The following COL4A2 variants were observed in gnomAD, a reference collection of about 807,000 sequenced individuals.
COL4A2 encodes collagen type IV alpha 2 chain, also known as collagen alpha-2(IV) chain.
In COL4A2, 99 loss-of-function variants were observed where a neutral mutation model predicts 200.2. That is an observed-to-expected ratio of 0.49 (90% CI 0.42 to 0.58). COL4A2 has a LOEUF of 0.58. COL4A2 is among the 20% of genes least tolerant of loss of function. COL4A2 has a pLI of 0.00. For missense variants in COL4A2, 1,950 were observed against 2,314.1 expected, an observed-to-expected ratio of 0.84 and a Z score of 3.23; for synonymous variants, 897 against 900.6, an observed-to-expected ratio of 1.00 and a Z score of 0.07.
chr13:110,455,721 C>T (rs888899505), intron 20 of COL4A2, among the ~76,000 whole-genome samples: 4 of 152,164 alleles, frequency 2.6e-5, no homozygotes, highest in Admixed American at 6.5e-5. Context: ...CTACATGGGA[C>T]GGTATCCATG....
At chr13:110,435,893 G>A (rs1566531429) in intron 12 of COL4A2, among the ~76,000 whole-genome samples, 2 of 151,650 alleles carry the variant, frequency 1.3e-5, no homozygotes, top group African/African-American at 2.4e-5. Flanking sequence ...CGTTTATCTC[G>A]GTGCCCATCT....
chr13:110,448,232 A>G (rs1213318556), intron 18 of COL4A2, among the ~76,000 whole-genome samples: 1 of 152,238 alleles, frequency 6.6e-6, no homozygotes, highest in Non-Finnish European at 1.5e-5. Flanking sequence ...TTTTAAGAAC[A>G]TAATTTTTAA....
intron 12 of COL4A2, 34 bp from the exon 13 acceptor site, chr13:110,436,235 T>C (rs1880864444): frequency 1.2e-6 from 2 of 1,612,656 alleles, no homozygotes; most frequent in South Asian, 2.2e-5. Context: ...TCCTTTCGAT[T>C]TAAAGACAAC....
intron 12 of COL4A2, 62 bp downstream of exon 12, chr13:110,434,504 C>A (rs367564082): frequency 2.0e-6 from 3 of 1,513,086 alleles, no homozygotes; most frequent in Non-Finnish European, 9.1e-7. Context: ...GGAAATAAAT[C>A]ATTTTAATTA....
chr13:110,493,103 ACCCC>A, intron 38 of COL4A2, 104 bp from the exon 39 acceptor site: 1 of 1,193,014 alleles, frequency 8.4e-7, no homozygotes, highest in Non-Finnish European at 1.2e-6. Context: ...GATGAGTGAC[ACCCC>A]CATGGGTGAA....
chr13:110,463,229 TG>T (rs1788389660), intron 24 of COL4A2: 1 of 152,644 alleles, frequency 6.6e-6, no homozygotes, highest in African/African-American at 2.4e-5. Context: ...TGGCATTCCT[TG>T]GCTTATAGAC....
intron 4 of COL4A2, among the ~76,000 whole-genome samples, chr13:110,396,458 G>C (rs1399228044): frequency 6.6e-6 from 1 of 152,162 alleles, no homozygotes; most frequent in Non-Finnish European, 1.5e-5. Context: ...GTAGCCCTCT[G>C]GGTTGAATCA....
chr13:110,338,346 GAA>G (rs1463811866), intron 3 of COL4A2, among the ~76,000 whole-genome samples: 1 of 149,826 alleles, frequency 6.7e-6, no homozygotes, highest in East Asian at 2.0e-4. Context: ...GAGAGAGAGA[GAA>G]AGAGAGAGAG....
chr13:110,398,991 G>A, intron 4 of COL4A2, among the ~76,000 whole-genome samples: 1 of 152,166 alleles, frequency 6.6e-6, no homozygotes, highest in East Asian at 1.9e-4. Context: ...CCGGTTTTTA[G>A]TTGTAAGAAG....
intron 17 of COL4A2, among the ~76,000 whole-genome samples, chr13:110,446,253 G>A (rs1881318310): frequency 6.6e-6 from 1 of 152,212 alleles, no homozygotes; most frequent in African/African-American, 2.4e-5. Flanking sequence ...AGACCATTAG[G>A]TGGAAGACCA....
chr13:110,396,168 TC>T (rs1480046926), intron 4 of COL4A2, among the ~76,000 whole-genome samples: 1 of 152,230 alleles, frequency 6.6e-6, no homozygotes, highest in Non-Finnish European at 1.5e-5. Flanking sequence ...CACCCCTAGT[TC>T]CTCCGATTAT....
At chr13:110,452,060 G>T (rs1289264984) in intron 20 of COL4A2, among the ~76,000 whole-genome samples, 1 of 152,216 alleles carries the variant, frequency 6.6e-6, no homozygotes, top group African/African-American at 2.4e-5. Context: ...CTTCGGGGAG[G>T]AAAAACACCA....
chr13:110,438,810 C>CCCCCA (rs372770020), intron 15 of COL4A2, 142 bp downstream of exon 15: 60 of 653,954 alleles, frequency 9.2e-5, no homozygotes, highest in African/African-American at 9.0e-4. Flanking sequence ...CCACCCCCCC[C>CCCCCA]CACACACACA....
chr13:110,482,761 A>T (rs114140846), intron 32 of COL4A2, 102 bp downstream of exon 32: 2 of 1,275,684 alleles, frequency 1.6e-6, no homozygotes, highest in African/African-American at 3.0e-5. Flanking sequence ...TTGAAAACCC[A>T]TGCATCCAGG....
chr13:110,469,196 G>T, intron 27 of COL4A2, 21 bp from the exon 28 acceptor site: 1 of 1,567,196 alleles, frequency 6.4e-7, no homozygotes, highest in Non-Finnish European at 8.7e-7. Flanking sequence ...GATGTGGTTT[G>T]TGGTTTATTT....
intron 27 of COL4A2, chr13:110,468,367 C>A (rs572673060): frequency 1.5e-5 from 7 of 469,980 alleles, no homozygotes; most frequent in South Asian, 1.1e-4. Flanking sequence ...ACAGCAACCC[C>A]CAAAATGGTG....
intron 47 of COL4A2, among the ~76,000 whole-genome samples, chr13:110,510,256 G>A (rs1161639874): frequency 1.3e-5 from 2 of 152,218 alleles, no homozygotes; most frequent in South Asian, 2.1e-4. Context: ...CCCTACAAGC[G>A]AGCGCCACGT....
chr13:110,349,606 G>C (rs965725305), intron 3 of COL4A2, among the ~76,000 whole-genome samples: 21 of 152,196 alleles, frequency 1.4e-4, no homozygotes, highest in African/African-American at 3.9e-4. Flanking sequence ...CCTGATAGGA[G>C]CCTGGTTCAA....
chr13:110,505,192 T>TA (rs1227086181), intron 45 of COL4A2, among the ~76,000 whole-genome samples: 1 of 151,200 alleles, frequency 6.6e-6, no homozygotes. Flanking sequence ...CTACTAAAAA[T>TA]ACAAAAAATT....
Sources: gnomAD v4.1 joint callset for allele counts (sites outside exome capture counted in the v4.1 genomes callset) on GRCh38, gnomAD v4.1.1 for gene constraint, MANE v1.5 for transcripts, NCBI Gene and HGNC (gene_info 2026-07-23, HGNC 2026-07-21) for gene names.